Variants in TAOK1 observed in about 807,000 individuals in gnomAD.
TAOK1 encodes serine/threonine-protein kinase TAO1.
TAOK1 carries 21 observed loss-of-function variants against 138.3 expected under a neutral mutation model. The observed-to-expected ratio is 0.15, with a 90% confidence interval of 0.11 to 0.22. The LOEUF (loss-of-function observed/expected upper bound fraction) is 0.22. TAOK1 is among the 10% of genes least tolerant of loss of function. The probability of loss-of-function intolerance (pLI) is 1.00; values close to 1 mark genes in which losing one functional copy is unlikely to be tolerated. For synonymous variants in TAOK1, 361 were observed against 398.4 expected (o/e 0.91, Z 1.12); for missense variants, 651 against 1,227.7 (o/e 0.53, Z 7.02).
chr17:29,536,454 C>T (rs1468118215), intron 19 of TAOK1, among the ~76,000 whole-genome samples: 2 of 151,122 alleles, frequency 1.3e-5, no homozygotes, highest in African/African-American at 2.4e-5. Flanking sequence ...AAAAAATTAA[C>T]CCGGGCATGA....
At chr17:29,496,708 C>G (rs1196502837) in intron 11 of TAOK1, among the ~76,000 whole-genome samples, 1 of 151,330 alleles carries the variant, frequency 6.6e-6, no homozygotes, top group Non-Finnish European at 1.5e-5. Context: ...CCCCTTCAGC[C>G]TCCCGAATAG....
intron 1 of TAOK1, among the ~76,000 whole-genome samples, chr17:29,407,257 G>C (rs1338207992): frequency 6.6e-6 from 1 of 152,006 alleles, no homozygotes; most frequent in Non-Finnish European, 1.5e-5. Context: ...AAAGTGCTGG[G>C]ATTACAGGCA....
At chr17:29,401,633 G>A (rs769967343) in intron 1 of TAOK1, among the ~76,000 whole-genome samples, 5 of 150,584 alleles carry the variant, frequency 3.3e-5, no homozygotes, top group Non-Finnish European at 5.9e-5. Context: ...GGGACACAGA[G>A]CCAAACCATA....
chr17:29,437,991 C>T (rs1038712255), intron 1 of TAOK1, among the ~76,000 whole-genome samples: 1 of 152,128 alleles, frequency 6.6e-6, no homozygotes, highest in Non-Finnish European at 1.5e-5. Context: ...CTTAGCCTCC[C>T]AAAGTGCTGG....
intron 9 of TAOK1, among the ~76,000 whole-genome samples, chr17:29,491,346 C>T (rs1324958108): frequency 6.6e-6 from 1 of 152,028 alleles, no homozygotes; most frequent in Non-Finnish European, 1.5e-5. Flanking sequence ...AAAACACTCT[C>T]TCCAGAGCAG....
At chr17:29,426,318 A>C (rs1027462324) in intron 1 of TAOK1, among the ~76,000 whole-genome samples, 3 of 152,220 alleles carry the variant, frequency 2.0e-5, no homozygotes, top group Non-Finnish European at 4.4e-5. Context: ...GTAGGAAATC[A>C]ATGGAGAAAA....
chr17:29,457,848 C>T (rs946564452), intron 2 of TAOK1, among the ~76,000 whole-genome samples: 7 of 151,952 alleles, frequency 4.6e-5, no homozygotes, highest in Admixed American at 2.0e-4. Flanking sequence ...CGGTGGCTCA[C>T]GCGTGTAATC....
chr17:29,405,635 T>G (rs1323589245), intron 1 of TAOK1, among the ~76,000 whole-genome samples: 1 of 151,750 alleles, frequency 6.6e-6, no homozygotes, highest in African/African-American at 2.4e-5. Flanking sequence ...AAAAATTAGC[T>G]GGGTGTGGTG....
intron 3 of TAOK1, 130 bp from the exon 4 acceptor site, chr17:29,475,540 T>C (rs1006790139): frequency 1.6e-6 from 1 of 633,132 alleles, no homozygotes; most frequent in African/African-American, 1.9e-5. Flanking sequence ...ACCCTCCCAA[T>C]AAATAAGTAA....
At chr17:29,532,802 C>G (rs189928321) in intron 18 of TAOK1, among the ~76,000 whole-genome samples, 3 of 152,124 alleles carry the variant, frequency 2.0e-5, no homozygotes, top group Admixed American at 6.6e-5. Context: ...ACCTTTCCCC[C>G]CTTTCTATTC....
chr17:29,493,860 A>G (rs958443896), intron 10 of TAOK1, among the ~76,000 whole-genome samples: 7 of 152,186 alleles, frequency 4.6e-5, no homozygotes, highest in Non-Finnish European at 8.8e-5. Flanking sequence ...TTTGGGCACA[A>G]ACATTTGATG....
chr17:29,471,270 TTC>T (rs1426397125), intron 3 of TAOK1, among the ~76,000 whole-genome samples: 5 of 126,172 alleles, frequency 4.0e-5, no homozygotes, highest in African/African-American at 1.5e-4. Context: ...TTAAAATATT[TTC>T]TTTCTTTTTT....
Position 29,405,268 on chromosome 17 carries a change from G to T in TAOK1, c.-95+14244G>T, listed in dbSNP as rs560665252. Among the ~76,000 whole-genome samples the T allele has an allele frequency of 3.3e-5, 5 of 152,270 alleles. No individual in the cohort carries two copies. In the East Asian group the frequency reaches 7.7e-4, roughly 24 times the overall value. ...CTCCCAGAGTGCTGGGATTACAGGCGTGAGCCACCTTGCCCTGCTGAAACA... is the reference window on the plus strand; with the variant it reads ...CTCCCAGAGTGCTGGGATTACAGGCTTGAGCCACCTTGCCCTGCTGAAACA... On this transcript the variant is annotated intron_variant, in intron 1 of 19. Transcript: ENST00000261716.
chr17:29,469,084 T>C (rs1487677444), intron 3 of TAOK1, among the ~76,000 whole-genome samples: 1 of 152,132 alleles, frequency 6.6e-6, no homozygotes, highest in African/African-American at 2.4e-5. Context: ...AGTCTGCTTT[T>C]AAAAATCTGC....
chr17:29,427,654 T>G (rs1905686327), intron 1 of TAOK1, among the ~76,000 whole-genome samples: 1 of 150,262 alleles, frequency 6.7e-6, no homozygotes, highest in Admixed American at 6.6e-5. Context: ...TGGCCAGGCG[T>G]AGTGGCTCAC....
intron 8 of TAOK1, among the ~76,000 whole-genome samples, chr17:29,484,523 A>G (rs952906095): frequency 6.6e-6 from 1 of 152,204 alleles, no homozygotes; most frequent in Non-Finnish European, 1.5e-5. Context: ...TTGCATTTAA[A>G]TAGTCACATG....
chr17:29,407,560 C>T (rs1047874970), intron 1 of TAOK1, among the ~76,000 whole-genome samples: 1 of 152,022 alleles, frequency 6.6e-6, no homozygotes, highest in African/African-American at 2.4e-5. Flanking sequence ...GATCCTCCCC[C>T]CTCAGCCTCC....
rs1182677236 is a variant in TAOK1, at chr17:29,495,604, T to C, written c.876T>C (p.Asp292=). 6 of 1,611,296 alleles carry C rather than the reference T, an allele frequency of 3.7e-6. No homozygotes were observed. Among genetic ancestry groups the C allele is most frequent in the Non-Finnish European group, 5.1e-6 (6 of 1,178,218 alleles). ...AGCGCCCTGAAACCGTGTTAATAGA[T>C]CTCATTCAGAGGACAAAGGATGCAG... ...LRERPETVLI[D]LIQRTKDAVR... is the part of the protein sequence containing the mutation. The change falls in exon 11 of 20, where the codon GAT becomes GAC. Residue 292 remains aspartate, a synonymous_variant. Transcript: ENST00000261716.
intron 1 of TAOK1, among the ~76,000 whole-genome samples, chr17:29,400,463 G>T (rs1904806499): frequency 6.6e-6 from 1 of 151,112 alleles, no homozygotes; most frequent in Admixed American, 6.6e-5. Flanking sequence ...GAAAAATTTG[G>T]TATCCCTCTT....
Sources: gnomAD v4.1 joint callset for allele counts (sites outside exome capture counted in the v4.1 genomes callset) on GRCh38, gnomAD v4.1.1 for gene constraint, MANE v1.5 for transcripts, NCBI Gene and HGNC (gene_info 2026-07-23, HGNC 2026-07-21) for gene names.